Variants in TENM3 observed in about 807,000 individuals in gnomAD.
TENM3 encodes teneurin-3.
A neutral mutation model predicts 255.1 loss-of-function variants in TENM3; 63 were observed. That is an observed-to-expected ratio of 0.25 (90% confidence interval 0.20 to 0.30). The LOEUF is 0.30. Ranked by LOEUF, TENM3 falls within the 10% of genes least tolerant of loss-of-function variation. The probability of loss-of-function intolerance (pLI) is 1.00; values close to 1 mark genes in which losing one functional copy is unlikely to be tolerated. For synonymous variants in TENM3, 1,306 were observed against 1,322.3 expected, an observed-to-expected ratio of 0.99 and a Z score of 0.27; for missense variants, 2,929 against 3,461.1, an observed-to-expected ratio of 0.85 and a Z score of 3.86.
the TENM3 span, among the ~76,000 whole-genome samples, chr4:181,875,869 G>T: frequency 1.3e-5 from 2 of 150,948 alleles, no homozygotes; most frequent in African/African-American, 4.8e-5. Flanking sequence ...ACTTGAATAT[G>T]CCCAAACATC....
rs905690087 is a variant in TENM3, at chr4:182,775,164, G to A, written c.5304+11G>A. 1.2e-6 allele frequency: 2 copies of A among 1,612,850 alleles called. No individual in the cohort carries two copies. Among genetic ancestry groups the A allele is most frequent in the African/African-American group, 1.3e-5 (1 of 75,032 alleles). On this transcript the variant is annotated intron_variant, in intron 24 of 27. Coordinates refer to ENST00000511685, the MANE Select transcript of TENM3 (RefSeq NM_001080477.4). Reference sequence around the variant, plus strand: ...GGCCGCAAGCTCAGGGTACGTACGTGTTGTGGAGCAGGAGATAGCTGCAGC... The same window carrying A: ...GGCCGCAAGCTCAGGGTACGTACGTATTGTGGAGCAGGAGATAGCTGCAGC...
the TENM3 span, among the ~76,000 whole-genome samples, chr4:182,090,376 C>T: frequency 3.3e-5 from 5 of 152,290 alleles, no homozygotes; most frequent in East Asian, 9.7e-4. Flanking sequence ...CTCCATCAGT[C>T]CATTAGTGAC....
chr4:181,708,520 G>T, the TENM3 span, among the ~76,000 whole-genome samples: 1 of 151,910 alleles, frequency 6.6e-6, no homozygotes, highest in African/African-American at 2.4e-5. Flanking sequence ...TTTCTGGGGG[G>T]TTGTTTGGCG....
intron 1 of TENM3, among the ~76,000 whole-genome samples, chr4:182,245,888 A>G (rs1757608592): frequency 6.6e-6 from 1 of 152,234 alleles, no homozygotes; most frequent in Admixed American, 6.5e-5. Context: ...GTTAGTTAAT[A>G]AATATAGGAA....
At chr4:182,217,268 A>T (rs13133416) in intron 1 of TENM3, among the ~76,000 whole-genome samples, 28,651 of 151,446 alleles carry the variant, frequency 0.19, 2,906 homozygotes, top group Non-Finnish European at 0.21. Context: ...TGATCCACCC[A>T]CCTCGGCTTC....
At chr4:181,983,963 A>G in the TENM3 span, among the ~76,000 whole-genome samples, 2 of 152,066 alleles carry the variant, frequency 1.3e-5, no homozygotes, top group Admixed American at 6.6e-5. Context: ...TTTCACTCTG[A>G]TGATCCTAGT....
chr4:182,364,156 G>C (rs78092468), intron 3 of TENM3, among the ~76,000 whole-genome samples: 1,579 of 151,902 alleles, frequency 0.01, 28 homozygotes, highest in African/African-American at 0.037. Flanking sequence ...CAAGTAAAAT[G>C]ATGGGATACG....
chr4:181,646,557 C>G, the TENM3 span, among the ~76,000 whole-genome samples: 1 of 152,128 alleles, frequency 6.6e-6, no homozygotes, highest in African/African-American at 2.4e-5. Flanking sequence ...GGAGAGAATT[C>G]ATATTTCTTG....
At position 182,754,545 on chromosome 4, in the gene TENM3, T is replaced by TG; in HGVS notation, c.4182dup (p.Lys1395GlufsTer26). 1 of 1,613,914 alleles carries TG rather than the reference T, an allele frequency of 6.2e-7. No individual in the cohort carries two copies. The highest frequency in any genetic ancestry group is 8.5e-7 in the Non-Finnish European group (1 of 1,179,864). On this transcript the variant is annotated frameshift_variant, in exon 22 of 28. Transcript: ENST00000511685. LOFTEE classifies it high-confidence loss of function. This position sits in a 1 kb window ranked among gnomAD's most constrained non-coding sequence, Gnocchi z 5.1. ...CAGGTTCCCGGAGTGGAATATCCTG[T>TG]GGGGAAGCACGCGGTGCAGACAACA...
intron 3 of TENM3, among the ~76,000 whole-genome samples, chr4:182,589,898 C>T (rs573286990): frequency 2.4e-4 from 37 of 152,130 alleles, no homozygotes; most frequent in South Asian, 6.2e-4. Context: ...CGCTTGTACC[C>T]GGGAGGCAGA....
the TENM3 span, among the ~76,000 whole-genome samples, chr4:182,059,775 AAAG>A: frequency 6.7e-6 from 1 of 150,344 alleles, no homozygotes; most frequent in African/African-American, 2.5e-5. Context: ...AAAAAAAAAA[AAAG>A]AAAAATTCAC....
chr4:182,752,830 G>A (rs1442103971), intron 20 of TENM3, among the ~76,000 whole-genome samples: 1 of 151,910 alleles, frequency 6.6e-6, no homozygotes, highest in African/African-American at 2.4e-5. Flanking sequence ...GTAATTTATA[G>A]ACCACAACAT....
the TENM3 span, among the ~76,000 whole-genome samples, chr4:181,818,536 C>A: frequency 1.3e-5 from 2 of 151,994 alleles, no homozygotes; most frequent in African/African-American, 2.4e-5. Context: ...ATTTTAAGTT[C>A]TGCGGTACAT....
the TENM3 span, among the ~76,000 whole-genome samples, chr4:182,000,662 G>C: frequency 6.6e-6 from 1 of 152,022 alleles, no homozygotes; most frequent in Non-Finnish European, 1.5e-5. Flanking sequence ...TACAAATATA[G>C]GCATTAAAAT....
At chr4:182,322,754 C>T (rs907453990) in intron 1 of TENM3, among the ~76,000 whole-genome samples, 3 of 152,062 alleles carry the variant, frequency 2.0e-5, no homozygotes, top group African/African-American at 4.8e-5. Context: ...AAGACTGAGA[C>T]CAGAGACACT....
the TENM3 span, among the ~76,000 whole-genome samples, chr4:181,570,986 T>C: frequency 8.1e-6 from 1 of 123,330 alleles, no homozygotes; most frequent in Non-Finnish European, 1.8e-5. Flanking sequence ...TGGGAGACAC[T>C]GAGCCAACGT....
At chr4:182,379,616 T>G (rs1767430476) in intron 3 of TENM3, among the ~76,000 whole-genome samples, 1 of 152,170 alleles carries the variant, frequency 6.6e-6, no homozygotes, top group Non-Finnish European at 1.5e-5. Flanking sequence ...AGAGATACAC[T>G]TTTAAAACTC....
At chr4:182,693,431 G>A (rs12510251) in intron 12 of TENM3, among the ~76,000 whole-genome samples, 35,970 of 151,358 alleles carry the variant, frequency 0.24, 5,107 homozygotes, top group East Asian at 0.69. Flanking sequence ...CCACCTCCTG[G>A]GTTCAAGTGA....
At position 182,793,266 on chromosome 4, in the gene TENM3, T is replaced by C; in HGVS notation, c.6594T>C (p.Arg2198=). The change falls in exon 26 of 28, where the codon CGT becomes CGC. Residue 2198 remains arginine, a synonymous_variant. Coordinates refer to ENST00000511685, the MANE Select transcript of TENM3 (RefSeq NM_001080477.4). The surrounding 1 kb of genome is among the most constrained non-coding windows in gnomAD (Gnocchi z 5.7). The part of the protein sequence containing the change: ...QYRLDEDGFL[R]QRGTEIFEYS... ...GGTTGGATGAAGATGGTTTCCTACG[T>C]CAAAGGGGCACGGAAATCTTTGAAT... The C allele has an allele frequency of 6.2e-7, 1 of 1,613,850 alleles. No individual in the cohort carries two copies. The highest frequency in any genetic ancestry group is 8.5e-7 in the Non-Finnish European group (1 of 1,179,814).
Sources: allele counts gnomAD v4.1 joint callset (sites outside exome capture counted in the v4.1 genomes callset), GRCh38; gene constraint gnomAD v4.1.1; non-coding constraint Gnocchi (gnomAD v3.1); transcripts MANE v1.5; gene names NCBI Gene and HGNC (gene_info 2026-07-23, HGNC 2026-07-21).